CIITA: variants seen among roughly 807,000 people sequenced by gnomAD.
CIITA encodes class II major histocompatibility complex transactivator, also known as MHC class II transactivator.
In CIITA, 72 loss-of-function variants were observed where a neutral mutation model predicts 115.1. The observed-to-expected ratio is 0.63, with a 90% CI of 0.52 to 0.76. The LOEUF is 0.76. CIITA is among the 30% of genes least tolerant of loss of function. The pLI is 0.00. For synonymous variants in CIITA, 763 were observed against 635.6 expected (o/e 1.20, Z -3.02); for missense variants, 1,617 against 1,463.8 (o/e 1.10, Z -1.71).
In CIITA at chr16:10,929,756, C is replaced by G. The variant is rs78855021; in HGVS notation, c.*5901C>G. ...AATGTCTTTCTGCAAATATAAAACT[C>G]TTTTTAATGAATTTGCCTAATTTCT... On this transcript the variant is annotated 3_prime_UTR_variant, in exon 20 of 20. Transcript: ENST00000324288. The surrounding 1 kb of genome is among the most constrained non-coding windows in gnomAD (Gnocchi z 4.3). 1,648 of 168,524 alleles carry G rather than the reference C, an allele frequency of 9.8e-3. 16 individuals carry two copies. Among genetic ancestry groups the G allele is most frequent in the Non-Finnish European group, 0.014 (1,164 of 82,902 alleles). 10.4% of individuals were successfully genotyped at this position (168,524 alleles called of 1,614,324 possible).
chr16:10,938,003 A>G (rs1410501078), downstream of CIITA: 1 of 152,240 alleles, frequency 6.6e-6, no homozygotes, highest in African/African-American at 2.4e-5. The surrounding 1 kb of genome is among the most constrained non-coding windows in gnomAD (Gnocchi z 4.9). Flanking sequence ...CAGGATATAA[A>G]TATTCATGCA....
intron 9 of CIITA, 38 bp from the exon 10 acceptor site, chr16:10,904,706 C>T: frequency 1.2e-6 from 2 of 1,613,048 alleles, no homozygotes; most frequent in South Asian, 1.1e-5. Flanking sequence ...CAGGGGTAAC[C>T]CTCACCCTAA....
rs188381360 is a variant in CIITA at position 10,918,372 on chromosome 16, T to C, written c.3063-68T>C. 95 of 1,355,352 alleles carry C rather than the reference T, an allele frequency of 7.0e-5. No individual in the cohort carries two copies. The African/African-American group carries it at 8.5e-4, about 12-fold the overall frequency. The allele number at this position is 1,355,352 out of a possible 1,614,324, so 84.0% of individuals were successfully genotyped here. A position where few individuals can be genotyped will look rare whatever the true frequency, so the allele number is the denominator to read the frequency against. On this transcript the variant is annotated intron_variant, in intron 15 of 19. Transcript: ENST00000324288. ...CCATTCACAGCCTATGACCCAGAAC[T>C]CTCCTTGAGGTCAAAGTGAGGCATG...
rs2040805838 is a variant in CIITA at position 10,931,741 on chromosome 16, A to G, written c.*7886A>G. 1 of 152,162 alleles carries G rather than the reference A, an allele frequency of 6.6e-6. No individual in the cohort carries two copies. The highest frequency in any genetic ancestry group is 2.1e-4 in the South Asian group (1 of 4,824). The allele number at this position is 152,162 out of a possible 1,614,324, so 9.4% of individuals were successfully genotyped here. ...AAAAACAAACAAACAAAAATACAAA[A>G]TTCGCTGGGCATGGTGGCAGGTGCC... On this transcript the variant is annotated 3_prime_UTR_variant, in exon 20 of 20. Coordinates refer to ENST00000324288, the MANE Select transcript of CIITA (RefSeq NM_000246.4).
chr16:10,900,693 T>C (rs1289693877), intron 5 of CIITA, among the ~76,000 whole-genome samples: 2 of 151,928 alleles, frequency 1.3e-5, no homozygotes, highest in African/African-American at 2.4e-5. Flanking sequence ...TGAGCCAAGA[T>C]TGCGCCAGTG....
In CIITA at chr16:10,918,473, C is replaced by G; in HGVS notation, c.3096C>G (p.Ala1032=). Residue 1032 remains alanine (A), a synonymous_variant, in exon 16 of 20, where the codon GCC becomes GCG. Transcript: ENST00000324288. ...LSQNNITDLG[A]YKLAEALPSL... is the part of the protein sequence containing the mutation. ...AGAACAACATCACTGACCTGGGTGC[C>G]TACAAACTCGCCGAGGCCCTGCCTT... The G allele has an allele frequency of 6.2e-7, 1 of 1,614,222 alleles. No homozygotes were observed. The highest frequency in any genetic ancestry group is 8.5e-7 in the Non-Finnish European group (1 of 1,180,042).
chr16:10,888,259 C>T (rs922500292), intron 1 of CIITA: 2 of 152,120 alleles, frequency 1.3e-5, no homozygotes, highest in Non-Finnish European at 2.9e-5. Context: ...AATTATTATC[C>T]CCCACTTTAC....
intron 1 of CIITA, among the ~76,000 whole-genome samples, chr16:10,884,226 C>G: frequency 6.9e-6 from 1 of 145,534 alleles, no homozygotes; most frequent in Non-Finnish European, 1.5e-5. Context: ...TTTCCACTTT[C>G]CTGCTCTGAA....
intron 16 of CIITA, among the ~76,000 whole-genome samples, chr16:10,919,829 G>C (rs550456467): frequency 6.6e-6 from 1 of 152,238 alleles, no homozygotes; most frequent in East Asian, 1.9e-4. Flanking sequence ...TGTCGTTCTT[G>C]CTTTTGAGTT....
In CIITA at chr16:10,941,916, G is replaced by A. The variant is rs368556482; in HGVS notation, n.1042G>A. On this transcript the variant is annotated non_coding_transcript_exon_variant, in exon 2 of 2. Transcript: ENST00000573379. This position sits in a 1 kb window ranked among gnomAD's most constrained non-coding sequence, Gnocchi z 6.4. ...GCACATTGACGAAGAACAGGCCCAC[G>A]TAGAACATAGAGGGCAGCAGCGGCG... The A allele has an allele frequency of 2.0e-5, 32 of 1,605,390 alleles. No individual in the cohort carries two copies. Among genetic ancestry groups the A allele is most frequent in the Non-Finnish European group, 2.6e-5 (31 of 1,176,994 alleles).
Position 10,934,595 on chromosome 16 carries a change from T to C in CIITA, c.*10740T>C, listed in dbSNP as rs2040946432. On this transcript the variant is annotated 3_prime_UTR_variant, in exon 20 of 20. Coordinates refer to ENST00000324288, the MANE Select transcript of CIITA (RefSeq NM_000246.4). This position sits in a 1 kb window ranked among gnomAD's most constrained non-coding sequence, Gnocchi z 4.2. Reference sequence around the variant, plus strand: ...AATGCTGCCACCTCATAGATGGGTATCTGAGATGAGTCATCGAACTTCTGC... The same window carrying C: ...AATGCTGCCACCTCATAGATGGGTACCTGAGATGAGTCATCGAACTTCTGC... 1 of 152,234 alleles carries C rather than the reference T, an allele frequency of 6.6e-6. No individual in the cohort carries two copies. The highest frequency in any genetic ancestry group is 1.5e-5 in the Non-Finnish European group (1 of 68,048). The allele number at this position is 152,234 out of a possible 1,614,324, so 9.4% of individuals were successfully genotyped here.
chr16:10,912,764 G>A (rs13337344), intron 13 of CIITA, among the ~76,000 whole-genome samples: 23,528 of 152,274 alleles, frequency 0.15, 1,907 homozygotes, highest in Middle Eastern at 0.26. Flanking sequence ...GTTCAAGATC[G>A]GAACTGCGCT....
intron 1 of CIITA, among the ~76,000 whole-genome samples, chr16:10,886,481 A>G (rs34897022): frequency 0.36 from 55,016 of 151,970 alleles, 11,269 homozygotes; most frequent in East Asian, 0.87. Flanking sequence ...ACATTTCTTC[A>G]GGATATATAG....
intron 1 of CIITA, among the ~76,000 whole-genome samples, chr16:10,894,986 G>A (rs1453376886): frequency 1.3e-5 from 2 of 152,190 alleles, no homozygotes; most frequent in Admixed American, 1.3e-4. Flanking sequence ...ACCACTCATG[G>A]CATTGCCAAA....
chr16:10,909,206 G>T lies in CIITA; in HGVS notation c.2816+19G>T, dbSNP rs376851862. The T allele has an allele frequency of 1.2e-5, 20 of 1,613,524 alleles. No individual in the cohort carries two copies. Among genetic ancestry groups the T allele is most frequent in the Non-Finnish European group, 1.7e-5 (20 of 1,179,604 alleles). On this transcript the variant is annotated intron_variant, in intron 12 of 19. Transcript: ENST00000324288. ...CTCAGAGGTGAGAGGAGAGGCGGAT[G>T]GGAGGTGGTTCACGCCATGCAGGTT...
upstream of CIITA, among the ~76,000 whole-genome samples, chr16:10,875,095 A>G (rs143904712): frequency 1.3e-5 from 2 of 152,102 alleles, no homozygotes; most frequent in African/African-American, 4.8e-5. Flanking sequence ...CAGTCTCCCG[A>G]GTAGCACACG....
At chr16:10,899,964 C>G (rs1198865407) in intron 5 of CIITA, among the ~76,000 whole-genome samples, 1 of 152,068 alleles carries the variant, frequency 6.6e-6, no homozygotes, top group Non-Finnish European at 1.5e-5. Flanking sequence ...GCCTGTAATC[C>G]CAGCTACTCG....
At chr16:10,918,664 A>G in intron 16 of CIITA, 138 bp downstream of exon 16, 1 of 715,160 alleles carries the variant, frequency 1.4e-6, no homozygotes, top group African/African-American at 1.8e-5. Context: ...GATTAGCGGG[A>G]CGTGGTGAAA....
At chr16:10,910,039 C>CT (rs71136604) in intron 12 of CIITA, 149 bp from the exon 13 acceptor site, 317,293 of 624,348 alleles carry the variant, frequency 0.51, 72,286 homozygotes, top group Admixed American at 0.59. Context: ...CCAGACAGAT[C>CT]TTTTTTTTTA....
Sources: allele counts gnomAD v4.1 joint callset (sites outside exome capture counted in the v4.1 genomes callset), GRCh38; gene constraint gnomAD v4.1.1; non-coding constraint Gnocchi (gnomAD v3.1); transcripts MANE v1.5; gene names NCBI Gene and HGNC (gene_info 2026-07-23, HGNC 2026-07-21).